KLHL36: variants seen among roughly 807,000 people sequenced by gnomAD.
The protein encoded by KLHL36 is kelch-like protein 36.
Under a neutral mutation model 53.3 loss-of-function variants are expected in KLHL36, and 35 were observed. The observed-to-expected ratio is 0.66, with a 90% CI of 0.50 to 0.87. The LOEUF is 0.87. Ranked by LOEUF, KLHL36 falls within the 40% of genes least tolerant of loss-of-function variation. The probability of loss-of-function intolerance (pLI) is 0.00; values close to 1 mark genes in which losing one functional copy is unlikely to be tolerated. For missense variants in KLHL36, 864 were observed against 897.6 expected (o/e 0.96, Z 0.48); for synonymous variants, 472 against 398.9 (o/e 1.18, Z -2.18).
Position 84,662,115 on chromosome 16 carries a change from C to T in KLHL36, c.1833C>T (p.His611=), listed in dbSNP as rs747185351. The change falls in exon 5 of 5, where the codon CAC becomes CAT. Residue 611 remains histidine (H), a synonymous_variant. Transcript: ENST00000564996. ...AGAAGAAAGGCAAAGGCAAGAGGCACCAGGACCGGGGCCAGTGACCCTAGC... is the reference window on the plus strand; with the variant it reads ...AGAAGAAAGGCAAAGGCAAGAGGCATCAGGACCGGGGCCAGTGACCCTAGC... ...DKKKKGKGKR[H]QDRGQ is the part of the protein sequence containing the mutation. 5.4e-5 allele frequency: 84 copies of T among 1,551,282 alleles called. No individual in the cohort carries two copies. The highest frequency in any genetic ancestry group is 7.2e-5 in the Non-Finnish European group (83 of 1,146,814).
intron 2 of KLHL36, among the ~76,000 whole-genome samples, chr16:84,655,483 G>A (rs914219175): frequency 2.0e-5 from 3 of 152,144 alleles, no homozygotes; most frequent in Admixed American, 6.5e-5. Flanking sequence ...AGGCTAAGGC[G>A]GAAGAATCAC....
chr16:84,661,395 G>A lies in KLHL36; in HGVS notation c.1296-183G>A, dbSNP rs1316863257. ...TGACTGCAAAGCTGTCCACTTCCCC[G>A]CCCTGCCCTGCCATTTCTTTGCTAA... On this transcript the variant is annotated intron_variant, in intron 4 of 4. Coordinates refer to ENST00000564996, the MANE Select transcript of KLHL36 (RefSeq NM_024731.4). This position sits in a 1 kb window ranked among gnomAD's most constrained non-coding sequence, Gnocchi z 7.9. Among the ~76,000 whole-genome samples the A allele has an allele frequency of 6.6e-6, 1 of 152,126 alleles. No individual in the cohort carries two copies. Among genetic ancestry groups the A allele is most frequent in the Admixed American group, 6.5e-5 (1 of 15,274 alleles).
rs1907830777 is a variant in KLHL36 at position 84,666,272 on chromosome 16, T to G, written c.*4139T>G. On this transcript the variant is annotated 3_prime_UTR_variant, in exon 5 of 5. Coordinates refer to ENST00000564996, the MANE Select transcript of KLHL36 (RefSeq NM_024731.4). Reference sequence around the variant, plus strand: ...CATCCCTTTCCTCCGGCCCCTTGATTTGTGCTGGACAACAAATGGCAGCAC... The same window carrying G: ...CATCCCTTTCCTCCGGCCCCTTGATGTGTGCTGGACAACAAATGGCAGCAC... 6.6e-6 allele frequency: 1 copy of G among 152,230 alleles called. No homozygotes were observed. Among genetic ancestry groups the G allele is most frequent in the South Asian group, 2.1e-4 (1 of 4,830 alleles). The allele number at this position is 152,230 out of a possible 1,614,324, so 9.4% of individuals were successfully genotyped here. A position where few individuals can be genotyped will look rare whatever the true frequency, so the allele number is the denominator to read the frequency against.
In KLHL36 at chr16:84,661,867, G is replaced by T. The variant is rs199851713; in HGVS notation, c.1585G>T (p.Val529Leu). The T allele has an allele frequency of 6.2e-7, 1 of 1,600,868 alleles. No individual in the cohort carries two copies. Among genetic ancestry groups the T allele is most frequent in the South Asian group, 1.1e-5 (1 of 90,710 alleles). Reference sequence around the variant, plus strand: ...CCCGCAGTGCAACCAGTGGACCCGCGTGGCGCCGCTGCTGCACGCCAACAG... The same window carrying T: ...CCCGCAGTGCAACCAGTGGACCCGCTTGGCGCCGCTGCTGCACGCCAACAG... ...YSPQCNQWTR[V>L]APLLHANSES... is the part of the protein sequence containing the mutation. The change falls in exon 5 of 5, where the codon GTG becomes TTG. Residue 529 changes from valine to leucine, a missense_variant. Coordinates refer to ENST00000564996, the MANE Select transcript of KLHL36 (RefSeq NM_024731.4). This position sits in a 1 kb window ranked among gnomAD's most constrained non-coding sequence, Gnocchi z 7.9.
In KLHL36 at chr16:84,664,042, G is replaced by A. The variant is rs1361376632; in HGVS notation, c.*1909G>A. 1 of 152,228 alleles carries A rather than the reference G, an allele frequency of 6.6e-6. No homozygotes were observed. Among genetic ancestry groups the A allele is most frequent in the African/African-American group, 2.4e-5 (1 of 41,452 alleles). The allele number at this position is 152,228 out of a possible 1,614,324, so 9.4% of individuals were successfully genotyped here. A position where few individuals can be genotyped will look rare whatever the true frequency, so the allele number is the denominator to read the frequency against. ...GCTTGGAGCTCTGCAGCATTCCGGT[G>A]TATGAAAGGTTCCGAGAAGTCTCAA... On this transcript the variant is annotated 3_prime_UTR_variant, in exon 5 of 5. Transcript: ENST00000564996.
At chr16:84,650,787 G>T (rs919988503) in intron 1 of KLHL36, 65 bp from the exon 2 acceptor site, 1 of 1,160,530 alleles carries the variant, frequency 8.6e-7, no homozygotes, top group African/African-American at 1.5e-5. Context: ...CTGCTAGCAG[G>T]GCCTGAAATT....
chr16:84,659,624 T>C, intron 3 of KLHL36, 136 bp from the exon 4 acceptor site: 1 of 896,398 alleles, frequency 1.1e-6, no homozygotes, highest in Non-Finnish European at 1.7e-6. Flanking sequence ...AAGCCCTCTT[T>C]ATTCAGGTGC....
Position 84,662,257 on chromosome 16 carries a change from T to G in KLHL36, c.*124T>G. The G allele has an allele frequency of 3.5e-6, 3 of 855,860 alleles. No individual in the cohort carries two copies. The highest frequency in any genetic ancestry group is 5.2e-6 in the Non-Finnish European group (3 of 573,502). 53.0% of individuals were successfully genotyped at this position (855,860 alleles called of 1,614,324 possible). ...TAGCAGCTTTTTTTACTTTTATGAT[T>G]CTTGGTATTTCTATGATATCACAGT... On this transcript the variant is annotated 3_prime_UTR_variant, in exon 5 of 5. Coordinates refer to ENST00000564996, the MANE Select transcript of KLHL36 (RefSeq NM_024731.4).
rs760599173 is a variant in KLHL36 at position 84,657,552 on chromosome 16, G to A, written c.745G>A (p.Val249Ile). 8.7e-6 allele frequency: 14 copies of A among 1,610,394 alleles called. No homozygotes were observed. Among genetic ancestry groups the A allele is most frequent in the East Asian group, 4.5e-5 (2 of 44,870 alleles). ...CCCCAAGAACGACCTGCTGCACCGCGTCAAGCCGGCCGTGTGCTCGCTGCT... is the reference window on the plus strand; with the variant it reads ...CCCCAAGAACGACCTGCTGCACCGCATCAAGCCGGCCGTGTGCTCGCTGCT... Reference protein sequence around the residue: ...LIPKNDLLHRVKPAVCSLLPK... With the variant: ...LIPKNDLLHRIKPAVCSLLPK... The change falls in exon 3 of 5, where the codon GTC becomes ATC. Residue 249 changes from valine (V) to isoleucine (I), a missense_variant. Physicochemically the swap from Val to Ile is conservative, Grantham distance 29. Transcript: ENST00000564996.
chr16:84,649,661 C>G (rs962849577), intron 1 of KLHL36, among the ~76,000 whole-genome samples: 1 of 152,238 alleles, frequency 6.6e-6, no homozygotes, highest in Non-Finnish European at 1.5e-5. Flanking sequence ...CCAGTTGCCC[C>G]TTCTCTCCCT....
rs778876309 is a variant in KLHL36, at chr16:84,657,234, G to A, written c.427G>A (p.Val143Met). The A allele has an allele frequency of 1.2e-6, 2 of 1,614,200 alleles. No individual in the cohort carries two copies. Among genetic ancestry groups the A allele is most frequent in the Non-Finnish European group, 1.7e-6 (2 of 1,180,032 alleles). ...DFCCEYLEQE[V>M]SEDNYLYLQE... ...CTGCTGTGAGTACCTGGAGCAGGAG[G>A]TGAGCGAGGACAACTACCTGTACCT... The change falls in exon 3 of 5, where the codon GTG becomes ATG. Residue 143 changes from valine to methionine, a missense_variant. By Grantham distance (21) the Val-to-Met change is conservative. Coordinates refer to ENST00000564996, the MANE Select transcript of KLHL36 (RefSeq NM_024731.4).
At chr16:84,652,452 G>A (rs375625417) in intron 2 of KLHL36, among the ~76,000 whole-genome samples, 1 of 152,074 alleles carries the variant, frequency 6.6e-6, no homozygotes, top group South Asian at 2.1e-4. Context: ...TGTATTTTTA[G>A]TAGAGACGGG....
At position 84,657,369 on chromosome 16, in the gene KLHL36, G is replaced by A. The variant is rs144376322; in HGVS notation, c.562G>A (p.Val188Ile). ...LSFTPDFLQN[V>I]SMQKLCVYLS... ...CTTTACGCCCGACTTCCTGCAGAAC[G>A]TCTCCATGCAGAAGCTGTGTGTCTA... The change falls in exon 3 of 5, where the codon GTC becomes ATC. Residue 188 changes from valine to isoleucine, a missense_variant. Val to Ile is a conservative substitution (Grantham distance 29). Coordinates refer to ENST00000564996, the MANE Select transcript of KLHL36 (RefSeq NM_024731.4). The A allele has an allele frequency of 5.6e-6, 9 of 1,610,926 alleles. No individual in the cohort carries two copies. The highest frequency in any genetic ancestry group is 7.6e-6 in the Non-Finnish European group (9 of 1,180,012).
chr16:84,662,353 C>G lies in KLHL36; in HGVS notation c.*220C>G. On this transcript the variant is annotated 3_prime_UTR_variant, in exon 5 of 5. Transcript: ENST00000564996. ...ACTAACCCTGGGCCCAGGCAGTGAG[C>G]AACCCCTTGTATCTTCACAGGTCTT... 2.0e-6 allele frequency: 1 copy of G among 494,040 alleles called. No homozygotes were observed. Among genetic ancestry groups the G allele is most frequent in the Non-Finnish European group, 3.6e-6 (1 of 277,168 alleles). 30.6% of individuals were successfully genotyped at this position (494,040 alleles called of 1,614,324 possible). A position where few individuals can be genotyped will look rare whatever the true frequency, so the allele number is the denominator to read the frequency against.
chr16:84,656,693 A>T (rs1011184205), intron 2 of KLHL36, among the ~76,000 whole-genome samples, 178 bp from the exon 3 acceptor site: 1 of 151,412 alleles, frequency 6.6e-6, no homozygotes, highest in Admixed American at 6.6e-5. Flanking sequence ...GAAAAAAAAA[A>T]CCACGATACA....
intron 1 of KLHL36, among the ~76,000 whole-genome samples, chr16:84,650,287 A>G (rs1035134701): frequency 2.0e-5 from 3 of 152,086 alleles, no homozygotes; most frequent in African/African-American, 7.2e-5. Context: ...CTGCATCATG[A>G]TATTTTTAAA....
At position 84,662,509 on chromosome 16, in the gene KLHL36, G is replaced by A. The variant is rs145857785; in HGVS notation, c.*376G>A. 5.8e-6 allele frequency: 1 copy of A among 172,376 alleles called. No individual in the cohort carries two copies. The highest frequency in any genetic ancestry group is 2.4e-5 in the African/African-American group (1 of 42,332). 10.7% of individuals were successfully genotyped at this position (172,376 alleles called of 1,614,324 possible). On this transcript the variant is annotated 3_prime_UTR_variant, in exon 5 of 5. Transcript: ENST00000564996. ...GGTTCTCTTAGGCCACCTAGTCCAAGCCTCCCCAAACCTGGCTGAACTTTT... is the reference window on the plus strand; with the variant it reads ...GGTTCTCTTAGGCCACCTAGTCCAAACCTCCCCAAACCTGGCTGAACTTTT...
rs765259011 is a variant in KLHL36, at chr16:84,657,722, C to T, written c.915C>T (p.Ser305=). The T allele has an allele frequency of 2.6e-5, 42 of 1,612,474 alleles. No homozygotes were observed. Among genetic ancestry groups the T allele is most frequent in the African/African-American group, 2.4e-4 (18 of 75,056 alleles). Residue 305 remains serine, a synonymous_variant, in exon 3 of 5, where the codon TCC becomes TCT. Transcript: ENST00000564996. ...ERLLFVGGEV[S]ERCLELSDDT... ...TGCTGTTTGTGGGCGGCGAGGTCTC[C>T]GAGCGGTGTCTGGAGCTCAGTGACG... is the stretch of plus-strand genomic sequence containing the variant.
In KLHL36 at chr16:84,662,325, A is replaced by T; in HGVS notation, c.*192A>T. ...CTGTAACTTTACATATCTTGCTTGA[A>T]TAACTAACCCTGGGCCCAGGCAGTG... On this transcript the variant is annotated 3_prime_UTR_variant, in exon 5 of 5. Coordinates refer to ENST00000564996, the MANE Select transcript of KLHL36 (RefSeq NM_024731.4). The T allele has an allele frequency of 1.7e-6, 1 of 573,778 alleles. No homozygotes were observed. The highest frequency in any genetic ancestry group is 3.3e-5 in the Admixed American group (1 of 30,750). 35.5% of individuals were successfully genotyped at this position (573,778 alleles called of 1,614,324 possible). A position where few individuals can be genotyped will look rare whatever the true frequency, so the allele number is the denominator to read the frequency against.
Sources: allele counts gnomAD v4.1 joint callset (sites outside exome capture counted in the v4.1 genomes callset), GRCh38; gene constraint gnomAD v4.1.1; non-coding constraint Gnocchi (gnomAD v3.1); transcripts MANE v1.5; gene names NCBI Gene and HGNC (gene_info 2026-07-23, HGNC 2026-07-21).